CNOT4: variants seen among roughly 807,000 people sequenced by gnomAD.
CNOT4 encodes CCR4-associated factor 4.
CNOT4 carries 8 observed loss-of-function variants against 73.8 expected under a neutral mutation model. The ratio of observed to expected loss-of-function variants is 0.11; its 90% confidence interval spans 0.06 to 0.20. The LOEUF (loss-of-function observed/expected upper bound fraction) is 0.20, where lower values mean the gene tolerates loss of function less well. Among genes scored for constraint, CNOT4 ranks in the 10% least tolerant of loss-of-function variants. CNOT4 has a pLI of 1.00. For synonymous variants in CNOT4, 293 were observed against 321.1 expected, an observed-to-expected ratio of 0.91 and a Z score of 0.94; for missense variants, 564 against 883.4, an observed-to-expected ratio of 0.64 and a Z score of 4.58.
At chr7:135,497,857 A>T (rs192175545) in intron 1 of CNOT4, among the ~76,000 whole-genome samples, 1 of 152,356 alleles carries the variant, frequency 6.6e-6, no homozygotes, top group Admixed American at 6.5e-5. Context: ...GATTACTGAA[A>T]ATATATGTTT....
At chr7:135,396,058 T>A (rs1014731205) in intron 8 of CNOT4, among the ~76,000 whole-genome samples, 175 bp from the exon 9 acceptor site, 2 of 150,762 alleles carry the variant, frequency 1.3e-5, no homozygotes, top group Non-Finnish European at 3.0e-5. Flanking sequence ...CTTACATATA[T>A]ACTCTTTAAA....
At chr7:135,375,924 C>CA (rs912223574) in intron 10 of CNOT4, among the ~76,000 whole-genome samples, 1 of 148,812 alleles carries the variant, frequency 6.7e-6, no homozygotes, top group Non-Finnish European at 1.5e-5. Context: ...GACTCCGTCT[C>CA]AAAAAAATAT....
intron 3 of CNOT4, among the ~76,000 whole-genome samples, chr7:135,415,721 C>G (rs1320323607): frequency 6.6e-6 from 1 of 152,140 alleles, no homozygotes; most frequent in Non-Finnish European, 1.5e-5. Context: ...ACTCATAAAT[C>G]TATTGCATAT....
chr7:135,415,792 T>C (rs1371145726), intron 3 of CNOT4, among the ~76,000 whole-genome samples: 8 of 152,184 alleles, frequency 5.3e-5, no homozygotes, highest in Admixed American at 5.2e-4. Flanking sequence ...CTCTATGCTT[T>C]ATGATTTATC....
chr7:135,428,603 G>C (rs1166359434), intron 2 of CNOT4, among the ~76,000 whole-genome samples: 1 of 152,010 alleles, frequency 6.6e-6, no homozygotes, highest in Non-Finnish European at 1.5e-5. Context: ...GTGGCAGATT[G>C]GATACAAAAC....
At chr7:135,411,707 T>C (rs576364816) in intron 6 of CNOT4, among the ~76,000 whole-genome samples, 10 of 152,012 alleles carry the variant, frequency 6.6e-5, no homozygotes, top group Admixed American at 2.6e-4. Flanking sequence ...TTTTAAATTA[T>C]GGTCTAAATA....
At position 135,394,148 on chromosome 7, in the gene CNOT4, T is replaced by C. The variant is rs1796551622; in HGVS notation, c.1397A>G (p.Asn466Ser). ...PAAATNANSL[N>S]STFSVLPQRF... ...CTGGGGCAAGACTGAAAAGGTACTA[T>C]TGAGAGAATTGGCATTTGTAGCTGC... is the stretch of plus-strand genomic sequence containing the variant. Residue 466 changes from asparagine to serine, a missense_variant, in exon 10 of 12, where the codon AAT becomes AGT. By Grantham distance (46) the Asn-to-Ser change is conservative. Around this residue, in one of 10 missense-constraint regions of CNOT4, gnomAD observed 153 missense variants for 158.7 expected, o/e 0.96. Coordinates refer to ENST00000541284, the MANE Select transcript of CNOT4 (RefSeq NM_001190850.2). 3.7e-6 allele frequency: 6 copies of C among 1,614,152 alleles called. No individual in the cohort carries two copies. The highest frequency in any genetic ancestry group is 1.3e-5 in the African/African-American group (1 of 75,042).
chr7:135,486,742 A>G (rs1465593016), intron 1 of CNOT4, among the ~76,000 whole-genome samples: 5 of 152,210 alleles, frequency 3.3e-5, no homozygotes, highest in African/African-American at 1.2e-4. Flanking sequence ...GTTAATATAC[A>G]CAACACAGAT....
intron 10 of CNOT4, among the ~76,000 whole-genome samples, chr7:135,383,379 T>G (rs1024798721): frequency 0.026 from 1 of 38 alleles, no homozygotes; most frequent in South Asian, 0.25. Context: ...TCACACTCAC[T>G]GGGGCTGCTT....
At chr7:135,482,596 C>G (rs1001172794) in intron 1 of CNOT4, among the ~76,000 whole-genome samples, 1 of 149,000 alleles carries the variant, frequency 6.7e-6, no homozygotes, top group Non-Finnish European at 1.5e-5. Context: ...AGCCAGGTAT[C>G]AAAACCAGAC....
At chr7:135,405,316 G>A (rs1357289277) in intron 7 of CNOT4, among the ~76,000 whole-genome samples, 1 of 152,088 alleles carries the variant, frequency 6.6e-6, no homozygotes, top group East Asian at 1.9e-4. Context: ...ATGATGGCTT[G>A]TTTCAGCCAC....
chr7:135,443,818 T>A (rs1023079304), intron 1 of CNOT4, among the ~76,000 whole-genome samples: 2 of 152,078 alleles, frequency 1.3e-5, no homozygotes, highest in Non-Finnish European at 2.9e-5. Flanking sequence ...GTATACATGG[T>A]TTTGTGTTTA....
Position 135,393,956 on chromosome 7 carries a change from G to A in CNOT4, c.1589C>T (p.Pro530Leu). 3.1e-6 allele frequency: 5 copies of A among 1,612,174 alleles called. No homozygotes were observed. The highest frequency in any genetic ancestry group is 3.4e-6 in the Non-Finnish European group (4 of 1,178,368). ...CCCTCCCAGACCTGTGTTGTGCTGTGGCGGGAGATTCAAGTCCAAGAAATT... is the reference window on the plus strand; with the variant it reads ...CCCTCCCAGACCTGTGTTGTGCTGTAGCGGGAGATTCAAGTCCAAGAAATT... ...NSNFLDLNLPPQHNTGLGGIP... is the reference protein window; with the variant it reads ...NSNFLDLNLPLQHNTGLGGIP... Residue 530 changes from proline to leucine, a missense_variant, in exon 10 of 12, where the codon CCA (proline) becomes CTA (leucine). Pro to Leu is a moderately conservative substitution (Grantham distance 98). This residue lies in a region of CNOT4 where 153 missense variants were observed against 158.7 expected (regional missense o/e 0.96). Transcript: ENST00000541284.
chr7:135,385,667 T>A (rs1247302016), intron 10 of CNOT4, among the ~76,000 whole-genome samples: 6 of 152,214 alleles, frequency 3.9e-5, no homozygotes, highest in Admixed American at 3.9e-4. Flanking sequence ...TTATCATAAA[T>A]TTTAAAATTT....
At chr7:135,413,015 A>G (rs112471002) in intron 6 of CNOT4, among the ~76,000 whole-genome samples, 5,363 of 152,122 alleles carry the variant, frequency 0.035, 324 homozygotes, top group African/African-American at 0.12. Context: ...TGTAAAAATA[A>G]TATTAGTTTA....
intron 7 of CNOT4, among the ~76,000 whole-genome samples, chr7:135,401,639 G>C (rs1189442233): frequency 6.6e-6 from 1 of 151,950 alleles, no homozygotes; most frequent in East Asian, 1.9e-4. Context: ...GCCTAGTGAG[G>C]GAAAAAGCTA....
chr7:135,472,115 G>A lies in CNOT4; in HGVS notation c.-92-33692C>T, dbSNP rs796695668. On this transcript the variant is annotated intron_variant, in intron 1 of 11. Coordinates refer to ENST00000541284, the MANE Select transcript of CNOT4 (RefSeq NM_001190850.2). The stretch of plus-strand genomic sequence containing the variant: ...TTGAGCCTGGGAGGTGGAGGTTGCA[G>A]TGAGCTGAGATCACACCACTGTACT... Among the ~76,000 whole-genome samples the A allele has an allele frequency of 1.6e-4, 25 of 151,968 alleles. 1 individual carries two copies. The highest frequency in any genetic ancestry group is 6.0e-4 in the African/African-American group (25 of 41,440).
At chr7:135,464,210 C>A (rs1801080251) in intron 1 of CNOT4, among the ~76,000 whole-genome samples, 2 of 152,232 alleles carry the variant, frequency 1.3e-5, no homozygotes, top group South Asian at 4.2e-4. Flanking sequence ...GAATATAAAT[C>A]ATTCTACCAT....
chr7:135,483,199 C>T (rs2551761), intron 1 of CNOT4, among the ~76,000 whole-genome samples: 93,568 of 149,118 alleles, frequency 0.63, 29,497 homozygotes, highest in East Asian at 0.76. Context: ...AAAAAAAAAT[C>T]AGCTGCCACA....
Sources: allele counts gnomAD v4.1 joint callset (sites outside exome capture counted in the v4.1 genomes callset), GRCh38; gene constraint gnomAD v4.1.1; regional missense constraint gnomAD v4.1.1; transcripts MANE v1.5; gene names NCBI Gene and HGNC (gene_info 2026-07-23, HGNC 2026-07-21).